PTPN20: variants seen among roughly 807,000 people sequenced by gnomAD.
PTPN20 encodes protein tyrosine phosphatase non-receptor type 20, also known as tyrosine-protein phosphatase non-receptor type 20.
Under a neutral mutation model 35.0 loss-of-function variants are expected in PTPN20, and 9 were observed. The observed-to-expected ratio is 0.26, with a 90% CI of 0.15 to 0.45. The LOEUF (loss-of-function observed/expected upper bound fraction) is 0.45, where lower values mean the gene tolerates loss of function less well. PTPN20 is among the 20% of genes least tolerant of loss of function. PTPN20 has a pLI of 1.00. For missense variants in PTPN20, 111 were observed against 312.5 expected (o/e 0.36, Z 4.86); for synonymous variants, 32 against 100.2 (o/e 0.32, Z 4.06).
Position 46,923,294 on chromosome 10 carries a change from T to C in PTPN20, c.-123-9083T>C, listed in dbSNP as rs1478757658. Among the ~76,000 whole-genome samples, 2 of 145,192 alleles carry C rather than the reference T, an allele frequency of 1.4e-5. 1 individual carries two copies. ...TCTAATTTTCAGATTTGTTTTCCCT[T>C]CTTTTAAGCCACCCAGTTTGTGGTA... On this transcript the variant is annotated intron_variant, in intron 1 of 10. Coordinates refer to ENST00000374339, the MANE Select transcript of PTPN20 (RefSeq NM_001042357.5).
intron 5 of PTPN20, among the ~76,000 whole-genome samples, chr10:46,954,101 G>T (rs9422321): frequency 0.41 from 26,626 of 65,314 alleles, 7,634 homozygotes; most frequent in East Asian, 0.96. Flanking sequence ...TTTTTTTTTT[G>T]GGGGGGGGTG....
downstream of PTPN20, among the ~76,000 whole-genome samples, chr10:47,003,559 CTGTCTCTT>C (rs1446541373): frequency 1.9e-4 from 29 of 151,994 alleles, no homozygotes; most frequent in African/African-American, 7.0e-4. Context: ...ATCTATTAGT[CTGTCTCTT>C]TATCTACAAC....
chr10:47,003,350 G>C (rs2060135494), downstream of PTPN20, among the ~76,000 whole-genome samples: 1 of 151,990 alleles, frequency 6.6e-6, no homozygotes, highest in Non-Finnish European at 1.5e-5. Context: ...GCTGAGTATT[G>C]CTCCAGAGTT....
chr10:47,000,626 TG>T, intron 10 of PTPN20, 49 bp from the exon 11 acceptor site: 1 of 1,602,484 alleles, frequency 6.2e-7, no homozygotes, highest in Non-Finnish European at 8.5e-7. Flanking sequence ...AAGTGGATTC[TG>T]TTATTCAATT....
intron 5 of PTPN20, among the ~76,000 whole-genome samples, chr10:46,957,191 GA>G (rs1460840854): frequency 6.6e-6 from 1 of 151,152 alleles, no homozygotes; most frequent in African/African-American, 2.4e-5. Flanking sequence ...TTGGCAAACA[GA>G]GATGTTTACT....
intron 7 of PTPN20, among the ~76,000 whole-genome samples, chr10:46,977,329 A>G (rs2054051404): frequency 6.6e-6 from 1 of 152,402 alleles, no homozygotes; most frequent in African/African-American, 2.4e-5. Context: ...AATCTTTCTC[A>G]CTGTATATAT....
intron 1 of PTPN20, among the ~76,000 whole-genome samples, chr10:46,928,380 G>A (rs1393616724): frequency 9.7e-4 from 147 of 151,120 alleles, no homozygotes; most frequent in African/African-American, 3.5e-3. Context: ...ATCTTTTTGT[G>A]GCTTTTTAAA....
chr10:46,988,947 C>T (rs1189602575), intron 9 of PTPN20, among the ~76,000 whole-genome samples: 3,863 of 139,074 alleles, frequency 0.028, no homozygotes, highest in African/African-American at 0.09. Context: ...TTTTGTATGT[C>T]GACTTTGTAT....
At chr10:46,952,661 T>C (rs1320117568) in intron 5 of PTPN20, among the ~76,000 whole-genome samples, 1 of 149,618 alleles carries the variant, frequency 6.7e-6, no homozygotes, top group African/African-American at 2.5e-5. Flanking sequence ...CCTTGTCTGA[T>C]AGGGTGACCC....
At chr10:46,922,919 A>G (rs2035853832) in intron 1 of PTPN20, among the ~76,000 whole-genome samples, 1 of 124,480 alleles carries the variant, frequency 8.0e-6, no homozygotes, top group Non-Finnish European at 1.6e-5. Context: ...ACTTTGCCCC[A>G]GGCTGGACCA....
At position 47,001,261 on chromosome 10, in the gene PTPN20, GT is replaced by G. The variant is rs2060006835; in HGVS notation, c.*522del. On this transcript the variant is annotated 3_prime_UTR_variant, in exon 11 of 11. Transcript: ENST00000374339. ...AATAACCCAGTTTAAAAAGAGTCCA[GT>G]TAGGGTGGACTAACTTTGGACACAA... 1 of 160,768 alleles carries G rather than the reference GT, an allele frequency of 6.2e-6. No homozygotes were observed. Among genetic ancestry groups the G allele is most frequent in the South Asian group, 1.6e-4 (1 of 6,082 alleles). 10.0% of individuals were successfully genotyped at this position (160,768 alleles called of 1,614,324 possible).
rs577909702 is a variant in PTPN20, at chr10:46,945,096, C to T, written c.227+1081C>T. On this transcript the variant is annotated intron_variant, in intron 4 of 10. Coordinates refer to ENST00000374339, the MANE Select transcript of PTPN20 (RefSeq NM_001042357.5). ...TAGGGGTAATGGGGAGAAATATTAG[C>T]TGCCAAGAGTTGTAGGGTGTATGTG... Among the ~76,000 whole-genome samples the T allele has an allele frequency of 6.4e-3, 756 of 118,986 alleles. 38 individuals carry two copies. The highest frequency in any genetic ancestry group is 9.8e-3 in the Non-Finnish European group (576 of 59,044). The allele number at this position is 118,986 out of a possible 152,430, so 78.1% of individuals were successfully genotyped here.
At chr10:46,939,409 G>C in intron 2 of PTPN20, among the ~76,000 whole-genome samples, 1 of 125,674 alleles carries the variant, frequency 8.0e-6, no homozygotes, top group Non-Finnish European at 1.6e-5. Flanking sequence ...TTTTACACTT[G>C]ATCTTAGCCA....
intron 9 of PTPN20, among the ~76,000 whole-genome samples, chr10:46,992,975 C>T (rs1279257269): frequency 5.3e-5 from 8 of 152,220 alleles, no homozygotes; most frequent in East Asian, 1.9e-4. Flanking sequence ...TTTCTGGGTG[C>T]TTTCAGAGGG....
rs2060040369 is a variant in PTPN20, at chr10:47,001,610, A to G, written c.*869A>G. On this transcript the variant is annotated 3_prime_UTR_variant, in exon 11 of 11. Transcript: ENST00000374339. Reference sequence around the variant, plus strand: ...ATTATTATATAATTCTGAGTCATTCATGGTATCTCTCATGTTTGATGTATT... The same window carrying G: ...ATTATTATATAATTCTGAGTCATTCGTGGTATCTCTCATGTTTGATGTATT... 1 of 152,140 alleles carries G rather than the reference A, an allele frequency of 6.6e-6. No homozygotes were observed. The highest frequency in any genetic ancestry group is 2.4e-5 in the African/African-American group (1 of 41,440). 9.4% of individuals were successfully genotyped at this position (152,140 alleles called of 1,614,324 possible). A position where few individuals can be genotyped will look rare whatever the true frequency, so the allele number is the denominator to read the frequency against.
intron 1 of PTPN20, among the ~76,000 whole-genome samples, chr10:46,925,544 G>T (rs1468558464): frequency 6.9e-6 from 1 of 144,458 alleles, no homozygotes; most frequent in Admixed American, 6.8e-5. Flanking sequence ...TTTTTTTCCA[G>T]GCTGCAGAAA....
chr10:46,967,548 CTGTT>C (rs1427703034), intron 6 of PTPN20, among the ~76,000 whole-genome samples: 8 of 148,088 alleles, frequency 5.4e-5, no homozygotes, highest in Non-Finnish European at 1.2e-4. Flanking sequence ...AATTGTGAGA[CTGTT>C]TGTATATATT....
chr10:46,930,218 TTAA>T (rs2039089811), intron 1 of PTPN20, among the ~76,000 whole-genome samples: 1 of 133,934 alleles, frequency 7.5e-6, no homozygotes, highest in African/African-American at 3.3e-5. Context: ...TGGAGAGGTC[TTAA>T]TAATATGTGT....
chr10:46,951,962 CTG>C (rs2046841048), intron 5 of PTPN20, among the ~76,000 whole-genome samples: 1 of 107,426 alleles, frequency 9.3e-6, no homozygotes. Context: ...TTGTTCATTC[CTG>C]TGTAAACTTG....
Sources: allele counts gnomAD v4.1 joint callset (sites outside exome capture counted in the v4.1 genomes callset), GRCh38; gene constraint gnomAD v4.1.1; transcripts MANE v1.5; gene names NCBI Gene and HGNC (gene_info 2026-07-23, HGNC 2026-07-21).